The following KLHL36 variants were observed in gnomAD, a reference collection of about 807,000 sequenced individuals.
The protein encoded by KLHL36 is kelch-like protein 36.
A neutral mutation model predicts 53.3 loss-of-function variants in KLHL36; 35 were observed. That is an observed-to-expected ratio of 0.66 (90% CI 0.50 to 0.87). The LOEUF is 0.87. Ranked by LOEUF, KLHL36 falls within the 40% of genes least tolerant of loss-of-function variation. The pLI is 0.00. For missense variants in KLHL36, 864 were observed against 897.6 expected (o/e 0.96, Z 0.48); for synonymous variants, 472 against 398.9 (o/e 1.18, Z -2.18).
chr16:84,652,167 G>T (rs1004891402), intron 2 of KLHL36, among the ~76,000 whole-genome samples: 1 of 152,168 alleles, frequency 6.6e-6, no homozygotes, highest in Non-Finnish European at 1.5e-5. Context: ...TTCTAAGTTT[G>T]ACAGCACTGG....
rs1907717465 is a variant in KLHL36 at position 84,664,254 on chromosome 16, C to T, written c.*2121C>T. The T allele has an allele frequency of 6.6e-6, 1 of 152,178 alleles. No homozygotes were observed. The highest frequency in any genetic ancestry group is 2.4e-5 in the African/African-American group (1 of 41,426). 9.4% of individuals were successfully genotyped at this position (152,178 alleles called of 1,614,324 possible). Reference sequence around the variant, plus strand: ...GGGTAGGGTGTACGTGGGCTGTTCTCCCCATCTCAGCCTGGGTCATGAACA... The same window carrying T: ...GGGTAGGGTGTACGTGGGCTGTTCTTCCCATCTCAGCCTGGGTCATGAACA... On this transcript the variant is annotated 3_prime_UTR_variant, in exon 5 of 5. Coordinates refer to ENST00000564996, the MANE Select transcript of KLHL36 (RefSeq NM_024731.4).
At chr16:84,658,946 C>T (rs1907383370) in intron 3 of KLHL36, 2 of 151,908 alleles carry the variant, frequency 1.3e-5, no homozygotes. Flanking sequence ...GCAGTGGCAG[C>T]AGTGTGTTTG....
rs1907600104 is a variant in KLHL36 at position 84,662,150 on chromosome 16, T to C, written c.*17T>C. On this transcript the variant is annotated 3_prime_UTR_variant, in exon 5 of 5. Coordinates refer to ENST00000564996, the MANE Select transcript of KLHL36 (RefSeq NM_024731.4). ...GGCCAGTGACCCTAGCTGCGCCTCT[T>C]GGGACCATCCTCACCGTCACCTCCC... 1 of 1,498,336 alleles carries C rather than the reference T, an allele frequency of 6.7e-7. No homozygotes were observed. The highest frequency in any genetic ancestry group is 2.4e-5 in the East Asian group (1 of 41,260). The allele number at this position is 1,498,336 out of a possible 1,614,324, so 92.8% of individuals were successfully genotyped here.
intron 3 of KLHL36, 101 bp from the exon 4 acceptor site, chr16:84,659,659 G>T: frequency 8.3e-7 from 1 of 1,205,862 alleles, no homozygotes; most frequent in African/African-American, 1.5e-5. Context: ...AACATTCTCC[G>T]GGGTTGTGCA....
intron 3 of KLHL36, 181 bp downstream of exon 3, chr16:84,658,125 C>G (rs79151254): frequency 3.8e-6 from 2 of 523,856 alleles, no homozygotes; most frequent in Non-Finnish European, 6.6e-6. Context: ...AGAGGGAGAG[C>G]CGACCCACCC....
At chr16:84,659,502 G>C (rs1040277040) in intron 3 of KLHL36, 4 of 432,906 alleles carry the variant, frequency 9.2e-6, no homozygotes, top group Non-Finnish European at 1.3e-5. Flanking sequence ...AGAAGTTCGG[G>C]GGTTCAGAGC....
Position 84,657,842 on chromosome 16 carries a change from CT to C in KLHL36, c.1037del (p.Phe346SerfsTer38). On this transcript the variant is annotated frameshift_variant, in exon 3 of 5. Transcript: ENST00000564996. LOFTEE classifies it high-confidence loss of function. ...ACCACTGTGTCGCGGTGCTGGGGGG[CT>C]TCATCTTCATCGCCGGCGGCAGCTT... ...SHHCVAVLGGFIFIAGGSFSR... is the reference protein window; with the variant it reads ...SHHCVAVLGGXIFIAGGSFSR... 6.3e-7 allele frequency: 1 copy of C among 1,595,990 alleles called. No individual in the cohort carries two copies. The highest frequency in any genetic ancestry group is 8.6e-7 in the Non-Finnish European group (1 of 1,168,958).
intron 3 of KLHL36, 99 bp downstream of exon 3, chr16:84,658,043 A>G (rs955064174): frequency 8.0e-6 from 7 of 872,102 alleles, no homozygotes; most frequent in Non-Finnish European, 1.7e-6. Context: ...CTTGACAACT[A>G]TCCTGCTTCT....
chr16:84,662,339 G>T lies in KLHL36; in HGVS notation c.*206G>T, dbSNP rs1408049297. On this transcript the variant is annotated 3_prime_UTR_variant, in exon 5 of 5. Coordinates refer to ENST00000564996, the MANE Select transcript of KLHL36 (RefSeq NM_024731.4). ...ATCTTGCTTGAATAACTAACCCTGG[G>T]CCCAGGCAGTGAGCAACCCCTTGTA... 2.1e-5 allele frequency: 11 copies of T among 529,160 alleles called. No individual in the cohort carries two copies. The highest frequency in any genetic ancestry group is 3.6e-5 in the Non-Finnish European group (11 of 303,516). 32.8% of individuals were successfully genotyped at this position (529,160 alleles called of 1,614,324 possible).
chr16:84,654,756 G>A (rs1008512323), intron 2 of KLHL36, among the ~76,000 whole-genome samples: 9 of 152,172 alleles, frequency 5.9e-5, no homozygotes, highest in South Asian at 4.2e-4. Flanking sequence ...GATGACAGGC[G>A]CCCGCCACCA....
rs200455055 is a variant in KLHL36 at position 84,661,864 on chromosome 16, C to T, written c.1582C>T (p.Arg528Cys). The change falls in exon 5 of 5, where the codon CGC becomes TGC. Residue 528 changes from arginine to cysteine, a missense_variant. By Grantham distance (180) the Arg-to-Cys change is radical. Transcript: ENST00000564996. This position sits in a 1 kb window ranked among gnomAD's most constrained non-coding sequence, Gnocchi z 7.9. The stretch of plus-strand genomic sequence containing the variant: ...CAGCCCGCAGTGCAACCAGTGGACC[C>T]GCGTGGCGCCGCTGCTGCACGCCAA... ...AYSPQCNQWT[R>C]VAPLLHANSE... 1.6e-5 allele frequency: 25 copies of T among 1,600,402 alleles called. No homozygotes were observed. Among genetic ancestry groups the T allele is most frequent in the African/African-American group, 6.7e-5 (5 of 74,670 alleles).
Position 84,657,952 on chromosome 16 carries a change from T to C in KLHL36, c.1137+8T>C. On this transcript the variant is annotated splice_region_variant and intron_variant, in intron 3 of 4. Coordinates refer to ENST00000564996, the MANE Select transcript of KLHL36 (RefSeq NM_024731.4). The stretch of plus-strand genomic sequence containing the variant: ...TGTAAACAGTGGATCAAGGTGAGAT[T>C]AAAGCCAGATTATTTCTTTTCTCTT... 1.3e-6 allele frequency: 2 copies of C among 1,497,218 alleles called. No homozygotes were observed. The highest frequency in any genetic ancestry group is 1.8e-4 in the Middle Eastern group (1 of 5,548). 92.7% of individuals were successfully genotyped at this position (1,497,218 alleles called of 1,614,324 possible). A position where few individuals can be genotyped will look rare whatever the true frequency, so the allele number is the denominator to read the frequency against.
rs72797514 is a variant in KLHL36 at position 84,657,827 on chromosome 16, C to T, written c.1020C>T (p.Val340=). 71,459 of 1,606,194 alleles carry T rather than the reference C, an allele frequency of 0.044. 1,910 individuals carry two copies. Among genetic ancestry groups the T allele is most frequent in the Non-Finnish European group, 0.054 (62,880 of 1,174,826 alleles). The change falls in exon 3 of 5, where the codon GTC becomes GTT. Residue 340 remains valine, a synonymous_variant. Coordinates refer to ENST00000564996, the MANE Select transcript of KLHL36 (RefSeq NM_024731.4). The part of the protein sequence containing the change: ...PLPARRSHHC[V]AVLGGFIFIA... ...CCGCCCGGCGGAGCCACCACTGTGT[C>T]GCGGTGCTGGGGGGCTTCATCTTCA...
At chr16:84,656,737 G>A (rs1163748566) in intron 2 of KLHL36, 134 bp from the exon 3 acceptor site, 1 of 672,610 alleles carries the variant, frequency 1.5e-6, no homozygotes, top group African/African-American at 1.8e-5. Flanking sequence ...ACTTCCTGCA[G>A]TGCCCTCTGA....
Position 84,657,959 on chromosome 16 carries a change from A to AG in KLHL36, c.1137+16dup, listed in dbSNP as rs1907322821. On this transcript the variant is annotated intron_variant, in intron 3 of 4. Coordinates refer to ENST00000564996, the MANE Select transcript of KLHL36 (RefSeq NM_024731.4). ...AGTGGATCAAGGTGAGATTAAAGCC[A>AG]GATTATTTCTTTTCTCTTGAGGACT... The AG allele has an allele frequency of 1.3e-6, 2 of 1,489,176 alleles. No homozygotes were observed. The highest frequency in any genetic ancestry group is 2.8e-5 in the African/African-American group (2 of 71,094). 92.2% of individuals were successfully genotyped at this position (1,489,176 alleles called of 1,614,324 possible). A position where few individuals can be genotyped will look rare whatever the true frequency, so the allele number is the denominator to read the frequency against.
Position 84,650,907 on chromosome 16 carries a change from T to C in KLHL36, c.40T>C (p.Tyr14His), listed in dbSNP as rs773655733. The change falls in exon 2 of 5, where the codon TAC (tyrosine) becomes CAC (histidine). Residue 14 changes from tyrosine (Y) to histidine (H), a missense_variant. Tyr to His is a moderately conservative substitution (Grantham distance 83). Coordinates refer to ENST00000564996, the MANE Select transcript of KLHL36 (RefSeq NM_024731.4). ...GSRQTRVSRP[Y>H]KISESSKVYR... The stretch of plus-strand genomic sequence containing the variant: ...CAGGCAGACGCGAGTGTCTCGGCCA[T>C]ACAAGATCAGCGAATCATCAAAGGT... 3 of 1,612,010 alleles carry C rather than the reference T, an allele frequency of 1.9e-6. No individual in the cohort carries two copies. The highest frequency in any genetic ancestry group is 1.7e-5 in the Admixed American group (1 of 59,314).
At position 84,662,418 on chromosome 16, in the gene KLHL36, T is replaced by G; in HGVS notation, c.*285T>G. 2 of 280,244 alleles carry G rather than the reference T, an allele frequency of 7.1e-6. No homozygotes were observed. Among genetic ancestry groups the G allele is most frequent in the Non-Finnish European group, 1.4e-5 (2 of 147,816 alleles). 17.4% of individuals were successfully genotyped at this position (280,244 alleles called of 1,614,324 possible). A position where few individuals can be genotyped will look rare whatever the true frequency, so the allele number is the denominator to read the frequency against. On this transcript the variant is annotated 3_prime_UTR_variant, in exon 5 of 5. Transcript: ENST00000564996. ...ATTCCTCATGGGTCCTTGCTGACTG[T>G]CCCCCTGAGAGTAGCTGGCACGTGG...
rs555631420 is a variant in KLHL36, at chr16:84,662,662, GAATCACTGGCA to G, written c.*531_*541del. The G allele has an allele frequency of 2.3e-3, 360 of 153,448 alleles. 3 individuals are homozygous for G. The Middle Eastern group carries it at 0.031, about 13-fold the overall frequency. 9.5% of individuals were successfully genotyped at this position (153,448 alleles called of 1,614,324 possible). On this transcript the variant is annotated 3_prime_UTR_variant, in exon 5 of 5. Transcript: ENST00000564996. ...AATTCTGGGTATTAGTCACATCTGG[GAATCACTGGCA>G]AGGTCCAGTGTGTTTGTTTTATAAA...
At chr16:84,654,903 C>T (rs1323676607) in intron 2 of KLHL36, among the ~76,000 whole-genome samples, 1 of 152,220 alleles carries the variant, frequency 6.6e-6, no homozygotes, top group African/African-American at 2.4e-5. Flanking sequence ...AGCCACCACG[C>T]CCGGCTGAGC....
Sources: allele counts gnomAD v4.1 joint callset (sites outside exome capture counted in the v4.1 genomes callset), GRCh38; gene constraint gnomAD v4.1.1; non-coding constraint Gnocchi (gnomAD v3.1); transcripts MANE v1.5; gene names NCBI Gene and HGNC (gene_info 2026-07-23, HGNC 2026-07-21).